PRLR: variants seen among roughly 807,000 people sequenced by gnomAD.
PRLR encodes the protein hPRL receptor.
A neutral mutation model predicts 40.2 loss-of-function variants in PRLR; 13 were observed. The observed-to-expected ratio is 0.32, with a 90% CI of 0.21 to 0.51. The LOEUF (loss-of-function observed/expected upper bound fraction) is 0.51. PRLR is among the 20% of genes least tolerant of loss of function. The probability of loss-of-function intolerance (pLI) is 0.97; values close to 1 mark genes in which losing one functional copy is unlikely to be tolerated. For missense variants in PRLR, 656 were observed against 747.3 expected, an observed-to-expected ratio of 0.88 and a Z score of 1.42; for synonymous variants, 269 against 278.7, an observed-to-expected ratio of 0.97 and a Z score of 0.35.
chr5:35,106,667 G>C (rs1772275396), intron 2 of PRLR, among the ~76,000 whole-genome samples: 2 of 152,158 alleles, frequency 1.3e-5, no homozygotes, highest in Non-Finnish European at 2.9e-5. Context: ...AATTCAACAA[G>C]AAGAGCTACT....
intron 1 of PRLR, among the ~76,000 whole-genome samples, chr5:35,153,717 TACACACACACAC>T (rs35934860): frequency 7.0e-6 from 1 of 143,392 alleles, no homozygotes; most frequent in East Asian, 2.0e-4. Flanking sequence ...CCCACCATTG[TACACACACACAC>T]ACACACACAC....
At chr5:35,090,791 CTTTTTTTTTTTTTTTTTTTTT>C (rs554800498) in intron 2 of PRLR, among the ~76,000 whole-genome samples, 13,342 of 59,412 alleles carry the variant, frequency 0.22, 1,109 homozygotes, top group East Asian at 0.37. Flanking sequence ...TCAATTAGCT[CTTTTTTTTTTTTTTTTTTTTT>C]TTTTTTTTTT....
Position 35,068,351 on chromosome 5 carries a change from G to C in PRLR, c.786-66C>G, listed in dbSNP as rs1769510387. ...TGACTTTGTAATTTTTGAAAGGTTA[G>C]TATAATAGCCACTATAGGGACTGTG... On this transcript the variant is annotated intron_variant, in intron 8 of 9. Coordinates refer to ENST00000618457, the MANE Select transcript of PRLR (RefSeq NM_000949.7). The C allele has an allele frequency of 3.6e-6, 5 of 1,390,714 alleles. No homozygotes were observed. In the African/African-American group the frequency reaches 4.3e-5, roughly 12 times the overall value. 86.1% of individuals were successfully genotyped at this position (1,390,714 alleles called of 1,614,324 possible).
At chr5:35,127,857 G>A (rs1446674868) in intron 1 of PRLR, among the ~76,000 whole-genome samples, 2 of 152,140 alleles carry the variant, frequency 1.3e-5, no homozygotes, top group African/African-American at 4.8e-5. Flanking sequence ...GGATCAGGAA[G>A]AAAAAGGAGT....
At chr5:35,068,987 A>AT (rs1285394103) in intron 7 of PRLR, 109 bp from the exon 8 acceptor site, 6 of 743,842 alleles carry the variant, frequency 8.1e-6, no homozygotes, top group African/African-American at 7.1e-5. Context: ...CCATTCATAT[A>AT]TTTTTTTGAT....
chr5:35,079,795 A>G (rs1334395562), intron 5 of PRLR, among the ~76,000 whole-genome samples: 3 of 152,236 alleles, frequency 2.0e-5, no homozygotes, highest in Non-Finnish European at 2.9e-5. Context: ...CTATACTACA[A>G]GGCTACAGTA....
intron 1 of PRLR, among the ~76,000 whole-genome samples, chr5:35,139,863 T>C (rs1475187199): frequency 6.6e-6 from 1 of 152,206 alleles, no homozygotes; most frequent in East Asian, 1.9e-4. Flanking sequence ...ATTCAAGATT[T>C]GCATGGAATG....
chr5:35,204,530 T>A (rs559996938), intron 1 of PRLR, among the ~76,000 whole-genome samples: 1 of 152,300 alleles, frequency 6.6e-6, no homozygotes, highest in Admixed American at 6.5e-5. Flanking sequence ...AAGACACTCC[T>A]ACCTTACCAA....
intron 1 of PRLR, among the ~76,000 whole-genome samples, chr5:35,221,111 A>T (rs1432007789): frequency 6.6e-6 from 1 of 152,166 alleles, no homozygotes; most frequent in African/African-American, 2.4e-5. Flanking sequence ...CAGCCTAGTT[A>T]TTTCTTGGCT....
At chr5:35,182,815 G>A (rs574256658) in intron 1 of PRLR, among the ~76,000 whole-genome samples, 2 of 152,294 alleles carry the variant, frequency 1.3e-5, no homozygotes, top group African/African-American at 2.4e-5. Flanking sequence ...ACCTCACTGG[G>A]CACTGCCTTT....
chr5:35,049,220 C>T, exon 9 of PRLR: 1 of 702,146 alleles, frequency 1.4e-6, no homozygotes, highest in South Asian at 1.5e-5. Flanking sequence ...GGTGCACAGT[C>T]TGTCCTGTGG....
intron 1 of PRLR, among the ~76,000 whole-genome samples, chr5:35,154,423 CTATTTATG>C (rs1341522548): frequency 5.3e-5 from 8 of 152,056 alleles, no homozygotes; most frequent in Non-Finnish European, 8.8e-5. Context: ...TTTAACTTAT[CTATTTATG>C]TATTTATGAT....
At chr5:35,109,629 C>G (rs933488238) in intron 2 of PRLR, among the ~76,000 whole-genome samples, 2 of 152,222 alleles carry the variant, frequency 1.3e-5, no homozygotes, top group African/African-American at 4.8e-5. Flanking sequence ...CTCATCATCA[C>G]TGGCCATCAG....
chr5:35,093,508 G>A (rs910743143), intron 2 of PRLR, among the ~76,000 whole-genome samples: 13 of 152,272 alleles, frequency 8.5e-5, no homozygotes, highest in Admixed American at 5.9e-4. Flanking sequence ...ATCTGTTGCT[G>A]CAACCTTCTA....
At chr5:35,133,163 G>A (rs1773739672) in intron 1 of PRLR, among the ~76,000 whole-genome samples, 1 of 152,126 alleles carries the variant, frequency 6.6e-6, no homozygotes, top group Admixed American at 6.5e-5. Context: ...CCGTGGAGTG[G>A]GAGCTACACT....
At chr5:35,075,563 C>T (rs923935488) in intron 5 of PRLR, among the ~76,000 whole-genome samples, 40 of 152,310 alleles carry the variant, frequency 2.6e-4, no homozygotes, top group African/African-American at 9.6e-4. Flanking sequence ...GTGGAGCCCA[C>T]CCCAGCTCAA....
chr5:35,169,843 C>G (rs1309128642), intron 1 of PRLR, among the ~76,000 whole-genome samples: 1 of 152,188 alleles, frequency 6.6e-6, no homozygotes, highest in Admixed American at 6.5e-5. Context: ...CTCTAGGTGG[C>G]TGGTTTCTTG....
chr5:35,164,174 T>C (rs1774755636), intron 1 of PRLR, among the ~76,000 whole-genome samples: 1 of 152,200 alleles, frequency 6.6e-6, no homozygotes. Flanking sequence ...CTTAGTGGCT[T>C]TACTAAGTAC....
Position 35,049,410 on chromosome 5 carries a change from T to A in PRLR, c.1010-2A>T. ...AGGCACCCAACATCAAGGGGTCACC[T>A]GGAGTGGGGAAGAAAAACAGTACAT... On this transcript the variant is annotated splice_acceptor_variant, in intron 8 of 8. Transcript: ENST00000231423. LOFTEE classifies it high-confidence loss of function. 1.4e-6 allele frequency: 1 copy of A among 702,940 alleles called. No individual in the cohort carries two copies. The highest frequency in any genetic ancestry group is 1.7e-5 in the African/African-American group (1 of 57,374). 43.5% of individuals were successfully genotyped at this position (702,940 alleles called of 1,614,324 possible).
Sources: allele counts gnomAD v4.1 joint callset (sites outside exome capture counted in the v4.1 genomes callset), GRCh38; gene constraint gnomAD v4.1.1; transcripts MANE v1.5; gene names NCBI Gene and HGNC (gene_info 2026-07-23, HGNC 2026-07-21).